The following CFHR5 variants were observed in gnomAD, a reference collection of about 807,000 sequenced individuals.
CFHR5 encodes the protein complement factor H related 5.
Under a neutral mutation model 62.9 loss-of-function variants are expected in CFHR5, and 73 were observed. That is an observed-to-expected ratio of 1.16 (90% CI 0.96 to 1.41). The LOEUF (loss-of-function observed/expected upper bound fraction) is 1.41, where lower values mean the gene tolerates loss of function less well. Ranked by LOEUF, CFHR5 falls within the 40% of genes most tolerant of loss-of-function variation. The pLI is 0.00. For synonymous variants in CFHR5, 249 were observed against 227.2 expected, an observed-to-expected ratio of 1.10 and a Z score of -0.86; for missense variants, 779 against 679.9, an observed-to-expected ratio of 1.15 and a Z score of -1.62.
At chr1:196,999,722 T>TATATATACACAC (rs1164729053) in intron 7 of CFHR5, among the ~76,000 whole-genome samples, 79 of 116,072 alleles carry the variant, frequency 6.8e-4, no homozygotes, top group African/African-American at 2.7e-3. Context: ...TATATATATA[T>TATATATACACAC]ACACACACAC....
In CFHR5 at chr1:196,977,687, T is replaced by C; in HGVS notation, c.23T>C (p.Ile8Thr). The C allele has an allele frequency of 6.2e-7, 1 of 1,613,198 alleles. No individual in the cohort carries two copies. The highest frequency in any genetic ancestry group is 8.5e-7 in the Non-Finnish European group (1 of 1,179,252). ...AGCATGTTGCTCTTATTCAGTGTAA[T>C]CCTAATCTCATGGGTATCCACTGTT... MLLLFSV[I>T]LISWVSTVGG... The change falls in exon 1 of 10, where the codon ATC (isoleucine) becomes ACC (threonine). Residue 8 changes from isoleucine (I) to threonine (T), a missense_variant. By Grantham distance (89) the Ile-to-Thr change is moderately conservative. Coordinates refer to ENST00000256785, the MANE Select transcript of CFHR5 (RefSeq NM_030787.4).
chr1:197,004,477 A>G (rs187530928), intron 8 of CFHR5, among the ~76,000 whole-genome samples, 184 bp from the exon 9 acceptor site: 45 of 152,276 alleles, frequency 3.0e-4, no homozygotes, highest in Non-Finnish European at 2.8e-4. Context: ...GGTATTTTAT[A>G]TGAATTTCAC....
chr1:196,992,444 G>C (rs1003789165), intron 3 of CFHR5, among the ~76,000 whole-genome samples: 1 of 152,188 alleles, frequency 6.6e-6, no homozygotes, highest in African/African-American at 2.4e-5. Flanking sequence ...GGCCTCCCTT[G>C]GCTAGGAAAG....
chr1:196,985,224 G>A (rs750654701), intron 3 of CFHR5, among the ~76,000 whole-genome samples: 5 of 152,102 alleles, frequency 3.3e-5, no homozygotes, highest in Admixed American at 3.3e-4. Flanking sequence ...GCCAGGCACA[G>A]TGATGTGCAC....
intron 8 of CFHR5, among the ~76,000 whole-genome samples, chr1:197,003,078 C>T (rs534195090): frequency 6.6e-6 from 1 of 152,212 alleles, no homozygotes; most frequent in Non-Finnish European, 1.5e-5. Context: ...ACAATTTTTC[C>T]ATGGACTGAG....
intron 1 of CFHR5, 98 bp from the exon 2 acceptor site, chr1:196,982,787 G>T: frequency 8.3e-7 from 1 of 1,200,036 alleles, no homozygotes; most frequent in Non-Finnish European, 1.2e-6. Context: ...TAAGCTGAAT[G>T]AAAAACAAAA....
chr1:196,989,790 C>G (rs936521920), intron 3 of CFHR5, among the ~76,000 whole-genome samples: 8 of 152,062 alleles, frequency 5.3e-5, no homozygotes, highest in African/African-American at 1.9e-4. Flanking sequence ...TTACTTCCAA[C>G]TATGTGGTCA....
chr1:197,006,029 C>T (rs149553861), intron 9 of CFHR5, among the ~76,000 whole-genome samples: 61 of 152,268 alleles, frequency 4.0e-4, no homozygotes, highest in African/African-American at 1.3e-3. Context: ...TAGGATTTAA[C>T]TTGGAGTGAT....
chr1:197,004,729 G>C lies in CFHR5; in HGVS notation c.1399G>C (p.Val467Leu). 6 of 1,613,308 alleles carry C rather than the reference G, an allele frequency of 3.7e-6. No individual in the cohort carries two copies. Among genetic ancestry groups the C allele is most frequent in the Non-Finnish European group, 5.1e-6 (6 of 1,179,454 alleles). Residue 467 changes from valine to leucine, a missense_variant, in exon 9 of 10, where the codon GTA becomes CTA. Coordinates refer to ENST00000256785, the MANE Select transcript of CFHR5 (RefSeq NM_030787.4). ...NGDTTSFPLS[V>L]YPPGSTVTYR... ...AGATACCACCTCATTCCCATTATCA[G>C]TATATCCTCCAGGGTCAACAGTGAC... is the stretch of plus-strand genomic sequence containing the variant.
chr1:196,996,123 A>G lies in CFHR5; in HGVS notation c.892A>G (p.Arg298Gly), dbSNP rs768815115. The G allele has an allele frequency of 1.2e-6, 2 of 1,613,498 alleles. No individual in the cohort carries two copies. Among genetic ancestry groups the G allele is most frequent in the South Asian group, 1.1e-5 (1 of 91,076 alleles). The change falls in exon 6 of 10, where the codon AGA becomes GGA. Residue 298 changes from arginine to glycine, a missense_variant. By Grantham distance (125) the Arg-to-Gly change is moderately radical (BLOSUM62 -2). Transcript: ENST00000256785. Reference sequence around the variant, plus strand: ...TGGAGTTTCAGTCGAGGTGAATTGCAGAAATGAATATGCAATGATTGGAAA... The same window carrying G: ...TGGAGTTTCAGTCGAGGTGAATTGCGGAAATGAATATGCAATGATTGGAAA... ...QHGVSVEVNC[R>G]NEYAMIGNNM... is the part of the protein sequence containing the mutation.
At chr1:196,992,403 G>T (rs1369231532) in intron 3 of CFHR5, among the ~76,000 whole-genome samples, 2 of 152,006 alleles carry the variant, frequency 1.3e-5, no homozygotes, top group African/African-American at 4.8e-5. Context: ...TTGTGTGTGA[G>T]TGTCCCGATT....
chr1:196,986,321 G>A (rs1653680382), intron 3 of CFHR5, among the ~76,000 whole-genome samples: 1 of 151,854 alleles, frequency 6.6e-6, no homozygotes, highest in Admixed American at 6.6e-5. Context: ...AACCATATAT[G>A]AATAAAGCAG....
intron 6 of CFHR5, among the ~76,000 whole-genome samples, 189 bp downstream of exon 6, chr1:196,996,390 T>C (rs1050197428): frequency 3.9e-5 from 6 of 152,186 alleles, no homozygotes; most frequent in African/African-American, 1.4e-4. Flanking sequence ...AATTTCTTGT[T>C]ATTACTGCAC....
rs140788459 is a variant in CFHR5, at chr1:196,984,123, T to C, written c.416T>C (p.Ile139Thr). 4.3e-6 allele frequency: 7 copies of C among 1,612,044 alleles called. No individual in the cohort carries two copies. The South Asian group carries it at 7.7e-5, about 18-fold the overall frequency. ...CVERGWSTPPICSFTKGECHV... is the reference protein window; with the variant it reads ...CVERGWSTPPTCSFTKGECHV... ...GAACGGGGCTGGTCCACTCCTCCCA[T>C]ATGCAGCTTCACTAGTAAGCAAAAT... The change falls in exon 3 of 10, where the codon ATA becomes ACA. Residue 139 changes from isoleucine to threonine, a missense_variant. Transcript: ENST00000256785.
chr1:196,986,541 C>T (rs2125028805), intron 3 of CFHR5, among the ~76,000 whole-genome samples: 2 of 152,158 alleles, frequency 1.3e-5, no homozygotes, highest in East Asian at 1.9e-4. Flanking sequence ...ACAACAGGCC[C>T]CAGTGTGTGA....
At position 196,984,105 on chromosome 1, in the gene CFHR5, G is replaced by T. The variant is rs756898801; in HGVS notation, c.398G>T (p.Gly133Val). ...NEKNISCVER[G>V]WSTPPICSFT... ...AAAAACATTTCGTGTGTAGAACGGG[G>T]CTGGTCCACTCCTCCCATATGCAGC... The change falls in exon 3 of 10, where the codon GGC becomes GTC. Residue 133 changes from glycine to valine, a missense_variant. Coordinates refer to ENST00000256785, the MANE Select transcript of CFHR5 (RefSeq NM_030787.4). 2.5e-6 allele frequency: 4 copies of T among 1,613,598 alleles called. No individual in the cohort carries two copies. In the South Asian group the frequency reaches 3.3e-5, roughly 13 times the overall value.
intron 3 of CFHR5, among the ~76,000 whole-genome samples, chr1:196,985,742 T>C (rs1653668495): frequency 6.6e-6 from 1 of 152,184 alleles, no homozygotes; most frequent in South Asian, 2.1e-4. Context: ...CTGTGTACAG[T>C]CTGTAAGATT....
At chr1:197,004,263 T>C (rs1654228927) in intron 8 of CFHR5, among the ~76,000 whole-genome samples, 1 of 152,190 alleles carries the variant, frequency 6.6e-6, no homozygotes, top group South Asian at 2.1e-4. Context: ...TCATTTTCAG[T>C]AAAACTACAA....
At position 196,983,895 on chromosome 1, in the gene CFHR5, A is replaced by T. The variant is rs570596954; in HGVS notation, c.254-66A>T. The T allele has an allele frequency of 1.5e-4, 170 of 1,137,388 alleles. 1 individual carries two copies. In the East Asian group the frequency reaches 3.0e-3, roughly 20 times the overall value. 70.5% of individuals were successfully genotyped at this position (1,137,388 alleles called of 1,614,324 possible). A position where few individuals can be genotyped will look rare whatever the true frequency, so the allele number is the denominator to read the frequency against. ...TTTTCAAAGTTTTCCTTTCTTAATG[A>T]AATATTTTTAAATGCACTTTTTTTG... On this transcript the variant is annotated intron_variant, in intron 2 of 9. Coordinates refer to ENST00000256785, the MANE Select transcript of CFHR5 (RefSeq NM_030787.4).
Sources: gnomAD v4.1 joint callset for allele counts (sites outside exome capture counted in the v4.1 genomes callset) on GRCh38, gnomAD v4.1.1 for gene constraint, MANE v1.5 for transcripts, NCBI Gene and HGNC (gene_info 2026-07-23, HGNC 2026-07-21) for gene names.